Variants in NSL1 observed in about 807,000 individuals in gnomAD.
NSL1 encodes NSL1 component of MIS12 kinetochore complex.
NSL1 carries 11 observed loss-of-function variants against 25.4 expected under a neutral mutation model. That is an observed-to-expected ratio of 0.43 (90% CI 0.27 to 0.72). The LOEUF (loss-of-function observed/expected upper bound fraction) is 0.72. NSL1 is among the 30% of genes least tolerant of loss of function. The probability of loss-of-function intolerance (pLI) is 0.19; values close to 1 mark genes in which losing one functional copy is unlikely to be tolerated. For missense variants in NSL1, 330 were observed against 342.7 expected (o/e 0.96, Z 0.29); for synonymous variants, 118 against 120.6 (o/e 0.98, Z 0.14).
chr1:212,753,696 A>G (rs1012956646), intron 4 of NSL1, among the ~76,000 whole-genome samples: 1 of 152,210 alleles, frequency 6.6e-6, no homozygotes, highest in African/African-American at 2.4e-5. Flanking sequence ...TGATGTATTT[A>G]TTGGGCATGC....
At chr1:212,779,396 C>A (rs1660572073) in intron 4 of NSL1, among the ~76,000 whole-genome samples, 1 of 141,958 alleles carries the variant, frequency 7.0e-6, no homozygotes, top group Non-Finnish European at 1.5e-5. Flanking sequence ...GGTCAGCCCC[C>A]CGCCCGGCCA....
intron 4 of NSL1, chr1:212,781,795 C>A (rs778212068): frequency 2.2e-5 from 4 of 179,652 alleles, no homozygotes; most frequent in Non-Finnish European, 2.4e-5. Flanking sequence ...TGAAAATATA[C>A]ATAATCCACA....
At chr1:212,791,419 TG>T in intron 1 of NSL1, 110 bp downstream of exon 1, 1 of 972,684 alleles carries the variant, frequency 1.0e-6, no homozygotes, top group Non-Finnish European at 1.6e-6. Context: ...TACAGTAGCC[TG>T]GGGCACCGTT....
rs1658023319 is a variant in NSL1 at position 212,731,765 on chromosome 1, T to C, written c.*6643A>G. 2 of 985,396 alleles carry C rather than the reference T, an allele frequency of 2.0e-6. No individual in the cohort carries two copies. The highest frequency in any genetic ancestry group is 1.1e-4 in the East Asian group (1 of 8,816). The allele number at this position is 985,396 out of a possible 1,614,324, so 61.0% of individuals were successfully genotyped here. A position where few individuals can be genotyped will look rare whatever the true frequency, so the allele number is the denominator to read the frequency against. The stretch of plus-strand genomic sequence containing the variant: ...GTGAAGATTTCACTCCCCACTGCCA[T>C]GTCAAAGCTGGTGTTCAGACAGTCA... On this transcript the variant is annotated 3_prime_UTR_variant, in exon 6 of 6. Transcript: ENST00000366977.
chr1:212,737,384 T>C lies in NSL1; in HGVS notation c.*1024A>G. ...TTTTCCAACCTCATGATCAGTAAAT[T>C]CCTTTGAAAAATGAATGAAGGTATC... On this transcript the variant is annotated 3_prime_UTR_variant, in exon 6 of 6. Coordinates refer to ENST00000366977, the MANE Select transcript of NSL1 (RefSeq NM_015471.4). 1.0e-6 allele frequency: 1 copy of C among 984,676 alleles called. No individual in the cohort carries two copies. The highest frequency in any genetic ancestry group is 1.1e-4 in the East Asian group (1 of 8,822). 61.0% of individuals were successfully genotyped at this position (984,676 alleles called of 1,614,324 possible).
At chr1:212,770,786 A>G (rs1313964816) in intron 4 of NSL1, among the ~76,000 whole-genome samples, 1 of 152,152 alleles carries the variant, frequency 6.6e-6, no homozygotes, top group Non-Finnish European at 1.5e-5. Context: ...AGACACAAAA[A>G]TCCTTAACAA....
In NSL1 at chr1:212,728,832, A is replaced by T. The variant is rs901890650; in HGVS notation, c.*9576T>A. 1.0e-6 allele frequency: 1 copy of T among 985,230 alleles called. No homozygotes were observed. Among genetic ancestry groups the T allele is most frequent in the African/African-American group, 1.7e-5 (1 of 57,210 alleles). 61.0% of individuals were successfully genotyped at this position (985,230 alleles called of 1,614,324 possible). A position where few individuals can be genotyped will look rare whatever the true frequency, so the allele number is the denominator to read the frequency against. On this transcript the variant is annotated 3_prime_UTR_variant, in exon 6 of 6. Coordinates refer to ENST00000366977, the MANE Select transcript of NSL1 (RefSeq NM_015471.4). ...GAGGAGGGCCCTCAGCGCAGAGAAA[A>T]TTAAGTCTAGTGTTTGCAGGAGGGC... is the stretch of plus-strand genomic sequence containing the variant.
intron 4 of NSL1, among the ~76,000 whole-genome samples, chr1:212,775,837 G>GT (rs907595593): frequency 6.0e-5 from 9 of 150,350 alleles, no homozygotes; most frequent in South Asian, 2.1e-4. Context: ...GTTTTTTTTT[G>GT]TTTTTTTTGA....
At position 212,728,222 on chromosome 1, in the gene NSL1, A is replaced by G. The variant is rs1300143266; in HGVS notation, c.*10186T>C. 2.1e-6 allele frequency: 2 copies of G among 937,756 alleles called. No individual in the cohort carries two copies. The highest frequency in any genetic ancestry group is 3.6e-5 in the African/African-American group (2 of 56,158). 58.1% of individuals were successfully genotyped at this position (937,756 alleles called of 1,614,324 possible). ...AAGCACTCAATACATGGTAACTACTAGCATTATATTGATATTACCTTCAGC... is the reference window on the plus strand; with the variant it reads ...AAGCACTCAATACATGGTAACTACTGGCATTATATTGATATTACCTTCAGC... On this transcript the variant is annotated 3_prime_UTR_variant, in exon 6 of 6. Transcript: ENST00000366977.
chr1:212,790,074 C>T (rs1304489912), intron 1 of NSL1, among the ~76,000 whole-genome samples: 6 of 151,920 alleles, frequency 3.9e-5, no homozygotes, highest in Non-Finnish European at 7.4e-5. Flanking sequence ...AGTGCAGTGG[C>T]GAGATCTGGG....
At chr1:212,769,413 T>G (rs912036004) in intron 4 of NSL1, among the ~76,000 whole-genome samples, 1 of 152,088 alleles carries the variant, frequency 6.6e-6, no homozygotes, top group Non-Finnish European at 1.5e-5. Flanking sequence ...AGACTAACAG[T>G]GTATCTCTCA....
chr1:212,787,425 C>T (rs1323063288), intron 2 of NSL1, 134 bp downstream of exon 2: 1 of 555,110 alleles, frequency 1.8e-6, no homozygotes, highest in Admixed American at 3.8e-5. Flanking sequence ...AATCTCAGTT[C>T]TTTATTACTC....
At chr1:212,756,386 A>C (rs1659310123) in intron 4 of NSL1, among the ~76,000 whole-genome samples, 1 of 152,232 alleles carries the variant, frequency 6.6e-6, no homozygotes, top group South Asian at 2.1e-4. Flanking sequence ...CTGGGCTTAC[A>C]GGTGTGAGCC....
chr1:212,746,639 CT>C (rs1234681744), intron 4 of NSL1, among the ~76,000 whole-genome samples: 1 of 152,184 alleles, frequency 6.6e-6, no homozygotes, highest in African/African-American at 2.4e-5. Flanking sequence ...CTATAACTCA[CT>C]TTAGATCCAA....
chr1:212,777,096 T>G (rs1267151384), intron 4 of NSL1, among the ~76,000 whole-genome samples: 1 of 150,324 alleles, frequency 6.7e-6, no homozygotes, highest in Non-Finnish European at 1.5e-5. Context: ...CAACCTAGGC[T>G]GGTGCAGTAG....
At chr1:212,764,990 G>T (rs1418111894) in intron 4 of NSL1, among the ~76,000 whole-genome samples, 1 of 151,286 alleles carries the variant, frequency 6.6e-6, no homozygotes, top group Non-Finnish European at 1.5e-5. Flanking sequence ...TCTAGAGGAG[G>T]TAGATAAGTT....
At chr1:212,766,245 G>T in intron 4 of NSL1, 1 of 650,476 alleles carries the variant, frequency 1.5e-6, no homozygotes, top group South Asian at 1.7e-5. Context: ...TGTTGAATGG[G>T]GAAAAGTTGA....
In NSL1 at chr1:212,760,924, C is replaced by T. The variant is rs532535368; in HGVS notation, c.500-21323G>A. ...CTGGAGTCCCCATCCCAAGTAAAGACCTATCATACCCTCTAGTACCAACCA... is the reference window on the plus strand; with the variant it reads ...CTGGAGTCCCCATCCCAAGTAAAGATCTATCATACCCTCTAGTACCAACCA... On this transcript the variant is annotated intron_variant, in intron 4 of 5. Transcript: ENST00000366977. The surrounding 1 kb of genome is among the most constrained non-coding windows in gnomAD (Gnocchi z 4.3). Among the ~76,000 whole-genome samples the T allele has an allele frequency of 1.3e-5, 2 of 152,324 alleles. No homozygotes were observed. Among genetic ancestry groups the T allele is most frequent in the Admixed American group, 1.3e-4 (2 of 15,306 alleles).
At chr1:212,782,992 A>G (rs1226450524) in intron 3 of NSL1, among the ~76,000 whole-genome samples, 1 of 152,180 alleles carries the variant, frequency 6.6e-6, no homozygotes, top group African/African-American at 2.4e-5. Context: ...AAAAAGGTTA[A>G]AAGAAAGAAA....
Sources: allele counts gnomAD v4.1 joint callset (sites outside exome capture counted in the v4.1 genomes callset), GRCh38; gene constraint gnomAD v4.1.1; non-coding constraint Gnocchi (gnomAD v3.1); transcripts MANE v1.5; gene names NCBI Gene and HGNC (gene_info 2026-07-23, HGNC 2026-07-21).